PIGF: variants seen among roughly 807,000 people sequenced by gnomAD.
The protein encoded by PIGF is GPI ethanolamine phosphate transferase, stabilizing subunit.
A neutral mutation model predicts 26.0 loss-of-function variants in PIGF; 23 were observed. That is an observed-to-expected ratio of 0.88 (90% CI 0.64 to 1.25). The LOEUF is 1.25. Ranked by LOEUF, PIGF falls within the 50% of genes most tolerant of loss-of-function variation. The pLI is 0.00. For missense variants in PIGF, 278 were observed against 249.9 expected, an observed-to-expected ratio of 1.11 and a Z score of -0.76; for synonymous variants, 93 against 92.6, an observed-to-expected ratio of 1.00 and a Z score of -0.03.
In PIGF at chr2:46,581,105, G is replaced by A. The variant is rs376417203; in HGVS notation, c.*373C>T. The A allele has an allele frequency of 1.2e-6, 1 of 816,710 alleles. No homozygotes were observed. The highest frequency in any genetic ancestry group is 1.7e-6 in the Non-Finnish European group (1 of 579,060). 50.6% of individuals were successfully genotyped at this position (816,710 alleles called of 1,614,324 possible). On this transcript the variant is annotated 3_prime_UTR_variant, in exon 6 of 6. Transcript: ENST00000281382. ...GTGAGAAACATCTTCAGTGGCCAAGGAAACTGTCCATTTCTCTCAGAAAGC... is the reference window on the plus strand; with the variant it reads ...GTGAGAAACATCTTCAGTGGCCAAGAAAACTGTCCATTTCTCTCAGAAAGC...
Position 46,588,125 on chromosome 2 carries a change from C to A in PIGF, c.546+4350G>T. 3.7e-6 allele frequency: 6 copies of A among 1,611,458 alleles called. No homozygotes were observed. Among genetic ancestry groups the A allele is most frequent in the African/African-American group, 1.3e-5 (1 of 74,812 alleles). ...GTTACTCATTTCACAGTACCAAGCC[C>A]CCTGCAGGGTACATGGAGAGATCTA... is the stretch of plus-strand genomic sequence containing the variant. On this transcript the variant is annotated intron_variant, in intron 5 of 5. Coordinates refer to ENST00000281382, the MANE Select transcript of PIGF (RefSeq NM_002643.4). The surrounding 1 kb of genome is among the most constrained non-coding windows in gnomAD (Gnocchi z 4.1).
At chr2:46,585,999 C>T (rs1558699018) in intron 5 of PIGF, among the ~76,000 whole-genome samples, 1 of 152,234 alleles carries the variant, frequency 6.6e-6, no homozygotes. Context: ...TGGTCTCGAT[C>T]TCCTGACCTC....
At chr2:46,614,524 G>A (rs1670545529) in intron 2 of PIGF, 1 of 156,432 alleles carries the variant, frequency 6.4e-6, no homozygotes, top group African/African-American at 2.4e-5. Flanking sequence ...GGCCATGTTG[G>A]AAACAAGCAT....
At chr2:46,595,922 A>T (rs1669868366) in intron 4 of PIGF, among the ~76,000 whole-genome samples, 1 of 152,134 alleles carries the variant, frequency 6.6e-6, no homozygotes, top group African/African-American at 2.4e-5. Context: ...ATGTTTCAAT[A>T]AGATTTATGT....
At position 46,613,759 on chromosome 2, in the gene PIGF, G is replaced by A. The variant is rs147969747; in HGVS notation, c.255C>T (p.Ile85=). The A allele has an allele frequency of 4.5e-6, 7 of 1,552,650 alleles. No individual in the cohort carries two copies. In the South Asian group the frequency reaches 8.0e-5, roughly 18 times the overall value. The change falls in exon 3 of 6, where the codon ATC becomes ATT. Residue 85 remains isoleucine (I), a synonymous_variant. Coordinates refer to ENST00000281382, the MANE Select transcript of PIGF (RefSeq NM_002643.4). The part of the protein sequence containing the change: ...HKVTGFLKCC[I]YFLMSCFSFH... ...AGGAGAAACAAGACATAAGAAAGTA[G>A]ATACAGCATTTCAAAAATCCAGTTA...
At chr2:46,593,513 A>G (rs1303030505) in intron 4 of PIGF, among the ~76,000 whole-genome samples, 1 of 152,248 alleles carries the variant, frequency 6.6e-6, no homozygotes, top group African/African-American at 2.4e-5. Flanking sequence ...GAACAAGAAC[A>G]AAGTATTTCA....
chr2:46,612,377 G>C, intron 3 of PIGF, 33 bp from the exon 4 acceptor site: 2 of 780,480 alleles, frequency 2.6e-6, no homozygotes, highest in Non-Finnish European at 4.0e-6. Context: ...TTTTAAAAAA[G>C]TGTTAAAGGT....
At chr2:46,612,615 A>C (rs1265348982) in intron 3 of PIGF, among the ~76,000 whole-genome samples, 1 of 152,124 alleles carries the variant, frequency 6.6e-6, no homozygotes, top group Non-Finnish European at 1.5e-5. Flanking sequence ...AAACACAAAC[A>C]AACAAACAAA....
In PIGF at chr2:46,596,527, A is replaced by C. The variant is rs141495410; in HGVS notation, c.438-3944T>G. 4.4e-3 allele frequency among the ~76,000 whole-genome samples: 673 copies of C among 152,254 alleles called. 5 individuals carry two copies. Among genetic ancestry groups the C allele is most frequent in the African/African-American group, 0.016 (652 of 41,536 alleles). ...TATTTATCAAAATAATATATGTGAC[A>C]TCTTTAAAGTAAAGGAGTACAATTA... On this transcript the variant is annotated intron_variant, in intron 4 of 5. Coordinates refer to ENST00000281382, the MANE Select transcript of PIGF (RefSeq NM_002643.4).
At chr2:46,613,047 T>TATATAC (rs1670477809) in intron 3 of PIGF, among the ~76,000 whole-genome samples, 1 of 150,856 alleles carries the variant, frequency 6.6e-6, no homozygotes, top group South Asian at 2.1e-4. Flanking sequence ...TGTATAAATA[T>TATATAC]ATATATATAT....
chr2:46,586,430 A>G (rs979064069), intron 5 of PIGF, among the ~76,000 whole-genome samples: 1 of 152,200 alleles, frequency 6.6e-6, no homozygotes, highest in African/African-American at 2.4e-5. Context: ...ATTCTTAAAA[A>G]TGTGTTCCAA....
intron 5 of PIGF, among the ~76,000 whole-genome samples, chr2:46,585,588 C>T (rs1669544129): frequency 6.6e-6 from 1 of 152,134 alleles, no homozygotes; most frequent in South Asian, 2.1e-4. Context: ...CTATAAAGTA[C>T]CACGTACCAG....
At chr2:46,605,577 C>T (rs1215618453) in intron 4 of PIGF, among the ~76,000 whole-genome samples, 1 of 152,088 alleles carries the variant, frequency 6.6e-6, no homozygotes, top group Non-Finnish European at 1.5e-5. Flanking sequence ...CACAGCCCTG[C>T]AAAGTACATA....
rs191838130 is a variant in PIGF, at chr2:46,611,719, C to T, written c.437+509G>A. On this transcript the variant is annotated intron_variant, in intron 4 of 5. Coordinates refer to ENST00000281382, the MANE Select transcript of PIGF (RefSeq NM_002643.4). ...AACTTAGCCATGCTGAAAATATATA[C>T]GGCCACCAAGGAAATGAAATCTCAT... 4.6e-5 allele frequency among the ~76,000 whole-genome samples: 7 copies of T among 152,110 alleles called. No individual in the cohort carries two copies. The East Asian group carries it at 1.4e-3, about 29-fold the overall frequency.
rs530059541 is a variant in PIGF at position 46,590,191 on chromosome 2, A to C, written c.546+2284T>G. ...TAAATTAATTTCCAGCTACCTAGAA[A>C]ATCTTTTTAAAAAGTCAGTAATTCA... On this transcript the variant is annotated intron_variant, in intron 5 of 5. Coordinates refer to ENST00000281382, the MANE Select transcript of PIGF (RefSeq NM_002643.4). 1.2e-4 allele frequency among the ~76,000 whole-genome samples: 19 copies of C among 152,220 alleles called. No individual in the cohort carries two copies. In the South Asian group the frequency reaches 3.3e-3, roughly 27 times the overall value.
At chr2:46,584,681 A>G (rs1669510030) in intron 5 of PIGF, among the ~76,000 whole-genome samples, 1 of 152,200 alleles carries the variant, frequency 6.6e-6, no homozygotes, top group African/African-American at 2.4e-5. Context: ...GGCTTTGAAG[A>G]CTGTTAATGA....
intron 5 of PIGF, among the ~76,000 whole-genome samples, chr2:46,584,968 A>G (rs922019436): frequency 6.6e-6 from 1 of 152,218 alleles, no homozygotes; most frequent in African/African-American, 2.4e-5. Flanking sequence ...TGTAAATCCT[A>G]GCTTAATCAG....
chr2:46,581,490 G>A lies in PIGF; in HGVS notation c.648C>T (p.Tyr216=), dbSNP rs1279550749. The stretch of plus-strand genomic sequence containing the variant: ...CCCTTTGCTCCAGTTAATTGTTCTT[G>A]TATGTAAGTTGCTTTCTATTCCAGT... ...WIYWNRKQLT[Y]KNN The change falls in exon 6 of 6, where the codon TAC becomes TAT. Residue 216 remains tyrosine (Y), a synonymous_variant. Transcript: ENST00000281382. 1.1e-5 allele frequency: 17 copies of A among 1,610,938 alleles called. No homozygotes were observed. Among genetic ancestry groups the A allele is most frequent in the Non-Finnish European group, 1.4e-5 (16 of 1,179,358 alleles).
At chr2:46,604,122 T>C (rs1166781027) in intron 4 of PIGF, among the ~76,000 whole-genome samples, 1 of 152,032 alleles carries the variant, frequency 6.6e-6, no homozygotes. Context: ...GTGCTCAATA[T>C]CACTGGTCGT....
Sources: allele counts gnomAD v4.1 joint callset (sites outside exome capture counted in the v4.1 genomes callset), GRCh38; gene constraint gnomAD v4.1.1; non-coding constraint Gnocchi (gnomAD v3.1); transcripts MANE v1.5; gene names NCBI Gene and HGNC (gene_info 2026-07-23, HGNC 2026-07-21).